SRPK2: variants seen among roughly 807,000 people sequenced by gnomAD.
SRPK2 encodes SFRS protein kinase 2.
Under a neutral mutation model 90.8 loss-of-function variants are expected in SRPK2, and 21 were observed. That is an observed-to-expected ratio of 0.23 (90% CI 0.16 to 0.33). The LOEUF (loss-of-function observed/expected upper bound fraction) is 0.33. SRPK2 is among the 10% of genes least tolerant of loss of function. The pLI, the probability that SRPK2 is intolerant of heterozygous loss-of-function variation, is 1.00. For synonymous variants in SRPK2, 288 were observed against 311.1 expected (o/e 0.93, Z 0.78); for missense variants, 620 against 869.0 (o/e 0.71, Z 3.60).
At chr7:105,203,966 G>C (rs1031433835) in intron 2 of SRPK2, among the ~76,000 whole-genome samples, 181 bp from the exon 3 acceptor site, 2 of 49,194 alleles carry the variant, frequency 4.1e-5, no homozygotes, top group African/African-American at 1.3e-4. Context: ...ATATAAGTCA[G>C]GCCAAAAAAA....
intron 2 of SRPK2, among the ~76,000 whole-genome samples, chr7:105,385,764 T>C (rs569715340): frequency 2.0e-5 from 3 of 152,318 alleles, no homozygotes; most frequent in East Asian, 3.9e-4. Context: ...TTACTTACTT[T>C]TCCTGTGTCC....
chr7:105,345,049 T>A (rs1816293252), intron 2 of SRPK2, among the ~76,000 whole-genome samples: 1 of 151,778 alleles, frequency 6.6e-6, no homozygotes, highest in South Asian at 2.1e-4. Context: ...GGCAGAAGAA[T>A]CACTTGAAAC....
At chr7:105,251,842 C>G (rs1411201145) in intron 2 of SRPK2, among the ~76,000 whole-genome samples, 1 of 152,150 alleles carries the variant, frequency 6.6e-6, no homozygotes, top group Non-Finnish European at 1.5e-5. Context: ...TAAGCTCTAG[C>G]TAGACTGAAT....
intron 1 of SRPK2, among the ~76,000 whole-genome samples, chr7:105,397,985 G>GGATGATTTAAACTTTTTTA (rs896094858): frequency 6.6e-6 from 1 of 152,040 alleles, no homozygotes; most frequent in Non-Finnish European, 1.5e-5. Flanking sequence ...AATGTAATGA[G>GGATGATTTAAACTTTTTTA]GATGATTTAA....
intron 2 of SRPK2, among the ~76,000 whole-genome samples, chr7:105,263,401 T>G (rs1172449579): frequency 1.3e-5 from 2 of 151,916 alleles, no homozygotes; most frequent in African/African-American, 4.8e-5. Context: ...CAAATGCTCA[T>G]TAATAGAATG....
intron 2 of SRPK2, among the ~76,000 whole-genome samples, chr7:105,233,099 G>GGAAAGGAAGGAAA (rs1379748832): frequency 1.3e-5 from 1 of 74,320 alleles, no homozygotes; most frequent in Non-Finnish European, 2.6e-5. Context: ...AAAGAAGGAA[G>GGAAAGGAAGGAAA]GAAGGAAGGA....
chr7:105,242,833 C>T (rs1225704611), intron 2 of SRPK2, among the ~76,000 whole-genome samples: 1 of 152,152 alleles, frequency 6.6e-6, no homozygotes, highest in Non-Finnish European at 1.5e-5. Context: ...CTTAAAGTGA[C>T]CTCTGGCTTG....
intron 2 of SRPK2, among the ~76,000 whole-genome samples, chr7:105,354,786 T>C (rs78593320): frequency 0.014 from 2,169 of 152,274 alleles, 27 homozygotes; most frequent in African/African-American, 0.037. Flanking sequence ...AGTGCACAAC[T>C]TAATGACTTC....
intron 15 of SRPK2, among the ~76,000 whole-genome samples, chr7:105,121,038 C>T (rs1429148358): frequency 2.6e-5 from 4 of 152,286 alleles, no homozygotes; most frequent in South Asian, 4.1e-4. Flanking sequence ...ATAAAAGTAG[C>T]ACCCTAACAA....
chr7:105,290,368 A>T (rs1011835889), intron 2 of SRPK2, among the ~76,000 whole-genome samples: 1 of 152,042 alleles, frequency 6.6e-6, no homozygotes, highest in South Asian at 2.1e-4. Flanking sequence ...GGTGGCACAC[A>T]CCTGTGGTCC....
At chr7:105,205,513 TCTCTCACACACACACACA>T (rs1292210884) in intron 2 of SRPK2, among the ~76,000 whole-genome samples, 32 of 61,198 alleles carry the variant, frequency 5.2e-4, no homozygotes, top group Admixed American at 1.3e-3. Context: ...TCTCTCTCTC[TCTCTCACACACACACACA>T]CACACACACA....
intron 2 of SRPK2, among the ~76,000 whole-genome samples, chr7:105,313,201 T>C (rs1365348869): frequency 1.3e-5 from 2 of 151,992 alleles, no homozygotes; most frequent in African/African-American, 2.4e-5. Context: ...ATCCCAGCAC[T>C]TTGGAAGGCC....
intron 2 of SRPK2, among the ~76,000 whole-genome samples, chr7:105,243,011 ATTC>A (rs1224216347): frequency 1.3e-5 from 2 of 152,018 alleles, no homozygotes; most frequent in African/African-American, 4.8e-5. Flanking sequence ...ATCGTTTTTT[ATTC>A]TTCTTCTTCC....
rs543189085 is a variant in SRPK2 at position 105,284,550 on chromosome 7, A to T, written c.72-80765T>A. 2.0e-5 allele frequency among the ~76,000 whole-genome samples: 3 copies of T among 152,312 alleles called. No homozygotes were observed. The East Asian group carries it at 5.8e-4, about 29-fold the overall frequency. ...GTGATTGAGATTTAAAAGCAAAATT[A>T]AAAAATCTTATATCATGCTGGGGGA... On this transcript the variant is annotated intron_variant, in intron 2 of 15. Transcript: ENST00000393651.
intron 5 of SRPK2, among the ~76,000 whole-genome samples, chr7:105,167,770 C>G (rs1263886905): frequency 6.6e-6 from 1 of 152,006 alleles, no homozygotes; most frequent in East Asian, 1.9e-4. Context: ...ACCACCATGC[C>G]TGGCTATTTT....
At chr7:105,280,965 A>C (rs1807235987) in intron 2 of SRPK2, among the ~76,000 whole-genome samples, 3 of 144,518 alleles carry the variant, frequency 2.1e-5, no homozygotes, top group African/African-American at 7.7e-5. Flanking sequence ...AAAAAAAAAA[A>C]AAAAAAAAAA....
intron 11 of SRPK2, among the ~76,000 whole-genome samples, chr7:105,137,475 C>T (rs1015473944): frequency 3.1e-5 from 4 of 128,848 alleles, no homozygotes; most frequent in African/African-American, 7.2e-5. Flanking sequence ...GATAGGAGCA[C>T]GGAGGCTGTG....
chr7:105,260,443 A>T (rs915299326), intron 2 of SRPK2, among the ~76,000 whole-genome samples: 3 of 152,218 alleles, frequency 2.0e-5, no homozygotes, highest in African/African-American at 7.2e-5. Flanking sequence ...TGGGAGTGTA[A>T]ATTAGTTCAA....
intron 2 of SRPK2, among the ~76,000 whole-genome samples, chr7:105,324,384 G>A (rs753388889): frequency 2.6e-4 from 40 of 151,470 alleles, no homozygotes; most frequent in Admixed American, 2.4e-3. Context: ...GTGCAATGGC[G>A]CGATCTCAGC....
Sources: allele counts gnomAD v4.1 joint callset (sites outside exome capture counted in the v4.1 genomes callset), GRCh38; gene constraint gnomAD v4.1.1; transcripts MANE v1.5; gene names NCBI Gene and HGNC (gene_info 2026-07-23, HGNC 2026-07-21).